The following DCC variants were observed in gnomAD, a reference collection of about 807,000 sequenced individuals.
DCC encodes DCC netrin 1 receptor.
Under a neutral mutation model 172.5 loss-of-function variants are expected in DCC, and 58 were observed. That is an observed-to-expected ratio of 0.34 (90% CI 0.27 to 0.42). The LOEUF (loss-of-function observed/expected upper bound fraction) is 0.42. DCC is among the 10% of genes least tolerant of loss of function. The pLI, the probability that DCC is intolerant of heterozygous loss-of-function variation, is 1.00. For synonymous variants in DCC, 709 were observed against 644.5 expected, an observed-to-expected ratio of 1.10 and a Z score of -1.52; for missense variants, 1,740 against 1,791.0, an observed-to-expected ratio of 0.97 and a Z score of 0.51.
intron 27 of DCC, among the ~76,000 whole-genome samples, chr18:53,508,050 G>C (rs1366219561): frequency 6.6e-6 from 1 of 151,186 alleles, no homozygotes; most frequent in East Asian, 2.0e-4. Context: ...CTGCCACCAT[G>C]CCCAGCTAAT....
chr18:52,904,076 G>A (rs1412579741), intron 2 of DCC, among the ~76,000 whole-genome samples: 2 of 152,198 alleles, frequency 1.3e-5, no homozygotes, highest in Non-Finnish European at 2.9e-5. Context: ...GCAATCTGTA[G>A]TGTTTATCCA....
chr18:52,858,315 T>A (rs769179804), intron 2 of DCC, among the ~76,000 whole-genome samples: 1 of 152,190 alleles, frequency 6.6e-6, no homozygotes, highest in Non-Finnish European at 1.5e-5. Context: ...TGTAGATCAT[T>A]GTAAGCAGCA....
intron 12 of DCC, among the ~76,000 whole-genome samples, chr18:53,247,799 AG>A (rs1465949247): frequency 3.3e-5 from 5 of 152,110 alleles, no homozygotes; most frequent in African/African-American, 1.2e-4. Context: ...TAGAAGTTGA[AG>A]CTTCCTTTAA....
At chr18:53,521,807 T>C (rs1461269660) in intron 27 of DCC, among the ~76,000 whole-genome samples, 1 of 152,100 alleles carries the variant, frequency 6.6e-6, no homozygotes, top group Non-Finnish European at 1.5e-5. Context: ...ATAAAATAAA[T>C]AGGTTTTATG....
chr18:53,037,778 T>A (rs2042116087), intron 5 of DCC, among the ~76,000 whole-genome samples: 2 of 151,904 alleles, frequency 1.3e-5, no homozygotes, highest in South Asian at 4.1e-4. Flanking sequence ...GTGGAGGATG[T>A]CACTCAGCTG....
intron 5 of DCC, among the ~76,000 whole-genome samples, chr18:52,927,490 T>C (rs2040236989): frequency 6.6e-6 from 1 of 152,002 alleles, no homozygotes; most frequent in South Asian, 2.1e-4. Context: ...AAACTTCTCA[T>C]ATTTCATTGA....
chr18:53,232,537 G>C (rs1477609737), intron 12 of DCC, among the ~76,000 whole-genome samples: 1 of 152,104 alleles, frequency 6.6e-6, no homozygotes, highest in Non-Finnish European at 1.5e-5. Context: ...TCACATGCAA[G>C]ACCTCTTCAT....
intron 9 of DCC, among the ~76,000 whole-genome samples, chr18:53,189,806 G>A (rs2055339005): frequency 6.6e-6 from 1 of 152,154 alleles, no homozygotes; most frequent in South Asian, 2.1e-4. Flanking sequence ...TTTGCTGAAG[G>A]TGCCTGTGAG....
At chr18:52,776,321 TTATTA>T (rs1314543096) in intron 2 of DCC, among the ~76,000 whole-genome samples, 1 of 151,672 alleles carries the variant, frequency 6.6e-6, no homozygotes, top group Non-Finnish European at 1.5e-5. Context: ...AACATTTAAT[TTATTA>T]TATTTATAAC....
At chr18:53,085,475 A>T (rs1384717737) in intron 7 of DCC, among the ~76,000 whole-genome samples, 1 of 152,162 alleles carries the variant, frequency 6.6e-6, no homozygotes, top group Non-Finnish European at 1.5e-5. Context: ...CCAAATTATT[A>T]TTCCAATTTG....
At position 52,927,094 on chromosome 18, in the gene DCC, TACGTGTATATAC is replaced by T. The variant is rs1206236169; in HGVS notation, c.985+1729_985+1740del. Among the ~76,000 whole-genome samples the T allele has an allele frequency of 8.3e-4, 93 of 112,606 alleles. 17 individuals carry two copies. Among genetic ancestry groups the T allele is most frequent in the African/African-American group, 2.9e-3 (84 of 28,820 alleles). 73.9% of individuals were successfully genotyped at this position (112,606 alleles called of 152,430 possible). ...ACATATATGTGTATATACACGTATA[TACGTGTATATAC>T]ACGTATATACGTGTATATACACGTA... On this transcript the variant is annotated intron_variant, in intron 5 of 28. Transcript: ENST00000442544.
At chr18:53,268,040 G>A (rs560185536) in intron 12 of DCC, among the ~76,000 whole-genome samples, 2 of 152,036 alleles carry the variant, frequency 1.3e-5, no homozygotes, top group South Asian at 2.1e-4. Context: ...TATTACTTTG[G>A]GGGGTAGCTG....
intron 5 of DCC, among the ~76,000 whole-genome samples, chr18:53,005,471 C>T (rs376125390): frequency 1.3e-5 from 2 of 152,184 alleles, no homozygotes; most frequent in African/African-American, 4.8e-5. Flanking sequence ...TGGTGGCTTA[C>T]ACCTGTAATC....
At chr18:53,137,966 C>T (rs890082489) in intron 7 of DCC, among the ~76,000 whole-genome samples, 8 of 151,432 alleles carry the variant, frequency 5.3e-5, no homozygotes, top group Non-Finnish European at 1.0e-4. Flanking sequence ...CTGGTGCATG[C>T]CACCATGCCC....
At chr18:52,858,644 C>T (rs2039089111) in intron 2 of DCC, among the ~76,000 whole-genome samples, 1 of 152,144 alleles carries the variant, frequency 6.6e-6, no homozygotes, top group Admixed American at 6.5e-5. Flanking sequence ...TAGAAGCCAA[C>T]CTGTAATTAA....
chr18:52,786,321 C>T (rs2037658913), intron 2 of DCC, among the ~76,000 whole-genome samples: 1 of 151,980 alleles, frequency 6.6e-6, no homozygotes, highest in Admixed American at 6.6e-5. Flanking sequence ...TGCAGGAAAT[C>T]ACCATTTGAT....
intron 7 of DCC, among the ~76,000 whole-genome samples, chr18:53,080,175 A>G (rs183025441): frequency 1.8e-4 from 27 of 152,180 alleles, no homozygotes; most frequent in Non-Finnish European, 2.9e-4. Context: ...AATGTATTAG[A>G]AGGTCCTGAC....
intron 8 of DCC, among the ~76,000 whole-genome samples, chr18:53,160,039 G>A (rs35398250): frequency 0.053 from 8,139 of 152,138 alleles, 285 homozygotes; most frequent in East Asian, 0.11. Context: ...AAGGGAAGGA[G>A]AAGGGGAAGG....
intron 11 of DCC, among the ~76,000 whole-genome samples, chr18:53,211,864 A>C (rs1298841601): frequency 6.6e-6 from 1 of 152,118 alleles, no homozygotes; most frequent in East Asian, 1.9e-4. Context: ...TCTGGCCAAC[A>C]TAGTGAAATT....
Sources: allele counts gnomAD v4.1 joint callset (sites outside exome capture counted in the v4.1 genomes callset), GRCh38; gene constraint gnomAD v4.1.1; transcripts MANE v1.5; gene names NCBI Gene and HGNC (gene_info 2026-07-23, HGNC 2026-07-21).